Variants in SLC24A5 observed in about 807,000 individuals in gnomAD.
SLC24A5 encodes the protein solute carrier family 24 member 5, also known as sodium/potassium/calcium exchanger 5.
In SLC24A5, 46 loss-of-function variants were observed where a neutral mutation model predicts 51.6. That is an observed-to-expected ratio of 0.89 (90% confidence interval 0.70 to 1.14). SLC24A5 has a LOEUF of 1.14. SLC24A5 is among the 50% of genes most tolerant of loss of function. The probability of loss-of-function intolerance (pLI) is 0.00; values close to 1 mark genes in which losing one functional copy is unlikely to be tolerated. For missense variants in SLC24A5, 581 were observed against 604.1 expected, an observed-to-expected ratio of 0.96 and a Z score of 0.40; for synonymous variants, 230 against 214.9, an observed-to-expected ratio of 1.07 and a Z score of -0.62.
intron 5 of SLC24A5, chr15:48,135,794 C>A (rs1270100197): frequency 1.3e-5 from 2 of 152,062 alleles, no homozygotes; most frequent in Non-Finnish European, 2.9e-5. Context: ...AAACTTAAAA[C>A]CTAGCCAGAA....
chr15:48,131,907 G>A (rs1489046769), intron 2 of SLC24A5, among the ~76,000 whole-genome samples: 5 of 152,110 alleles, frequency 3.3e-5, no homozygotes, highest in Non-Finnish European at 7.4e-5. Flanking sequence ...AAATAGCTTG[G>A]ATTAGGGCTG....
chr15:48,121,870 A>G lies in SLC24A5; in HGVS notation c.135A>G (p.Gln45=). The change falls in exon 2 of 9, where the codon CAA becomes CAG. Residue 45 remains glutamine, a synonymous_variant. Transcript: ENST00000341459. ...TTTCCTTAACAGGAAATAGCACCCA[A>G]TGTGTTATTTCTCCATCATCGGAGT... The part of the protein sequence containing the change: ...RLPRATGNST[Q]CVISPSSEFP... 4 of 1,614,048 alleles carry G rather than the reference A, an allele frequency of 2.5e-6. No homozygotes were observed. The highest frequency in any genetic ancestry group is 1.3e-5 in the African/African-American group (1 of 75,026).
chr15:48,121,878 T>C lies in SLC24A5; in HGVS notation c.143T>C (p.Ile48Thr), dbSNP rs1433880420. 3.7e-6 allele frequency: 6 copies of C among 1,614,072 alleles called. No individual in the cohort carries two copies. Among genetic ancestry groups the C allele is most frequent in the Non-Finnish European group, 4.2e-6 (5 of 1,180,022 alleles). ...RATGNSTQCVISPSSEFPEGF... is the reference protein window; with the variant it reads ...RATGNSTQCVTSPSSEFPEGF... ...ACAGGAAATAGCACCCAATGTGTTA[T>C]TTCTCCATCATCGGAGTTTCCCGAA... Residue 48 changes from isoleucine (I) to threonine (T), a missense_variant, in exon 2 of 9, where the codon ATT becomes ACT. Transcript: ENST00000341459.
intron 6 of SLC24A5, chr15:48,138,045 A>C (rs2038945211): frequency 6.6e-6 from 1 of 152,028 alleles, no homozygotes; most frequent in South Asian, 2.1e-4. Context: ...TTTAGCTTCT[A>C]CTCTTTCAGG....
intron 2 of SLC24A5, among the ~76,000 whole-genome samples, chr15:48,130,477 T>G (rs914033493): frequency 7.9e-5 from 12 of 152,292 alleles, no homozygotes; most frequent in Non-Finnish European, 1.6e-4. Flanking sequence ...TACTGCCTTT[T>G]GGGACTGAAA....
intron 2 of SLC24A5, among the ~76,000 whole-genome samples, chr15:48,133,037 A>C (rs1036228086): frequency 1.3e-5 from 2 of 152,100 alleles, no homozygotes; most frequent in African/African-American, 2.4e-5. Flanking sequence ...CTACAGAACA[A>C]GGTTCACCTG....
intron 1 of SLC24A5, among the ~76,000 whole-genome samples, 175 bp from the exon 2 acceptor site, chr15:48,121,682 A>AT (rs939425549): frequency 6.6e-6 from 1 of 152,126 alleles, no homozygotes; most frequent in African/African-American, 2.4e-5. Flanking sequence ...CCCCAAAAAA[A>AT]TTTTTTGAAA....
At chr15:48,139,683 C>G (rs1247871767) in intron 7 of SLC24A5, 2 of 152,310 alleles carry the variant, frequency 1.3e-5, no homozygotes, top group African/African-American at 2.4e-5. Flanking sequence ...TAATTTTATT[C>G]TAGGTTTCTA....
chr15:48,137,948 T>C (rs1334558126), intron 6 of SLC24A5: 1 of 152,138 alleles, frequency 6.6e-6, no homozygotes, highest in South Asian at 2.1e-4. Flanking sequence ...AAACAGATTC[T>C]AAATTTAATT....
chr15:48,125,623 C>T (rs1335986597), intron 2 of SLC24A5, among the ~76,000 whole-genome samples: 1 of 152,118 alleles, frequency 6.6e-6, no homozygotes, highest in Non-Finnish European at 1.5e-5. Flanking sequence ...CCCACAGTTA[C>T]TATGGAGGAA....
rs554687344 is a variant in SLC24A5 at position 48,126,241 on chromosome 15, G to C, written c.301+4205G>C. Among the ~76,000 whole-genome samples, 15 of 152,222 alleles carry C rather than the reference G, an allele frequency of 9.9e-5. No homozygotes were observed. In the South Asian group the frequency reaches 3.1e-3, roughly 32 times the overall value. Reference sequence around the variant, plus strand: ...CTCGAACACTGGAAAAGCTGGAAAAGCACCTATCTCTACGAGGCAACCTCA... The same window carrying C: ...CTCGAACACTGGAAAAGCTGGAAAACCACCTATCTCTACGAGGCAACCTCA... On this transcript the variant is annotated intron_variant, in intron 2 of 8. Transcript: ENST00000341459.
chr15:48,131,692 C>T (rs1279032202), intron 2 of SLC24A5, among the ~76,000 whole-genome samples: 1 of 150,910 alleles, frequency 6.6e-6, no homozygotes, highest in African/African-American at 2.5e-5. Context: ...TTATAAACTA[C>T]CCAGTCTCAG....
In SLC24A5 at chr15:48,121,099, C is replaced by T. The variant is rs373895181; in HGVS notation, c.55C>T (p.Leu19=). ...WARRALLLGI[L]WATAHLPLSG... is the part of the protein sequence containing the mutation. ...GAGAAGGGCTCTGTTGCTCGGCATC[C>T]TGTGGGCCACTGCACATCTGCCTCT... The change falls in exon 1 of 9, where the codon CTG becomes TTG. Residue 19 remains leucine (L), a synonymous_variant. Coordinates refer to ENST00000341459, the MANE Select transcript of SLC24A5 (RefSeq NM_205850.3). The T allele has an allele frequency of 3.1e-6, 5 of 1,613,930 alleles. No individual in the cohort carries two copies. The highest frequency in any genetic ancestry group is 4.2e-6 in the Non-Finnish European group (5 of 1,179,924).
chr15:48,137,223 A>C, intron 6 of SLC24A5: 2 of 383,454 alleles, frequency 5.2e-6, no homozygotes, highest in African/African-American at 2.1e-5. Context: ...GATTGCCAAA[A>C]TGTGGTGAGG....
intron 6 of SLC24A5, 54 bp from the exon 7 acceptor site, chr15:48,138,915 T>C: frequency 7.5e-7 from 1 of 1,336,616 alleles, no homozygotes; most frequent in Admixed American, 2.1e-5. Context: ...TAGGCATTTC[T>C]AACTTAATTA....
chr15:48,127,350 G>C (rs1347332093), intron 2 of SLC24A5, among the ~76,000 whole-genome samples: 2 of 152,206 alleles, frequency 1.3e-5, no homozygotes, highest in African/African-American at 4.8e-5. Flanking sequence ...GCCTATTTAA[G>C]TATTTTTGGA....
chr15:48,128,571 T>A (rs1257275589), intron 2 of SLC24A5, among the ~76,000 whole-genome samples: 1 of 152,252 alleles, frequency 6.6e-6, no homozygotes, highest in East Asian at 1.9e-4. Flanking sequence ...TCTGTGAGTA[T>A]GGCATTTGGA....
At chr15:48,139,264 G>A in intron 7 of SLC24A5, 89 bp downstream of exon 7, 1 of 1,092,940 alleles carries the variant, frequency 9.1e-7, no homozygotes, top group South Asian at 1.5e-5. Context: ...TAGCTACACA[G>A]CAAATTTCTT....
Position 48,121,889 on chromosome 15 carries a change from T to A in SLC24A5, c.154T>A (p.Ser52Thr). 1 of 1,614,172 alleles carries A rather than the reference T, an allele frequency of 6.2e-7. No homozygotes were observed. Among genetic ancestry groups the A allele is most frequent in the Non-Finnish European group, 8.5e-7 (1 of 1,180,000 alleles). ...CACCCAATGTGTTATTTCTCCATCA[T>A]CGGAGTTTCCCGAAGGGTTTTTCAC... is the stretch of plus-strand genomic sequence containing the variant. Reference protein sequence around the residue: ...NSTQCVISPSSEFPEGFFTRQ... With the variant: ...NSTQCVISPSTEFPEGFFTRQ... The change falls in exon 2 of 9, where the codon TCG becomes ACG. Residue 52 changes from serine to threonine, a missense_variant. By Grantham distance (58) the Ser-to-Thr change is moderately conservative. Coordinates refer to ENST00000341459, the MANE Select transcript of SLC24A5 (RefSeq NM_205850.3).
Sources: gnomAD v4.1 joint callset for allele counts (sites outside exome capture counted in the v4.1 genomes callset) on GRCh38, gnomAD v4.1.1 for gene constraint, MANE v1.5 for transcripts, NCBI Gene and HGNC (gene_info 2026-07-23, HGNC 2026-07-21) for gene names.